CDH6: variants seen among roughly 807,000 people sequenced by gnomAD.
CDH6 encodes the protein cadherin 6.
CDH6 carries 31 observed loss-of-function variants against 78.0 expected under a neutral mutation model. That is an observed-to-expected ratio of 0.40 (90% CI 0.30 to 0.54). CDH6 has a LOEUF of 0.54. Ranked by LOEUF, CDH6 falls within the 20% of genes least tolerant of loss-of-function variation. The pLI, the probability that CDH6 is intolerant of heterozygous loss-of-function variation, is 0.56. For synonymous variants in CDH6, 376 were observed against 368.8 expected (o/e 1.02, Z -0.23); for missense variants, 724 against 975.9 (o/e 0.74, Z 3.44).
intron 7 of CDH6, among the ~76,000 whole-genome samples, chr5:31,305,994 A>G (rs1376620648): frequency 6.6e-6 from 1 of 152,196 alleles, no homozygotes; most frequent in Admixed American, 6.5e-5. Flanking sequence ...CTGCTTAAGT[A>G]GAAGTAGTAT....
rs192266700 is a variant in CDH6, at chr5:31,305,893, A to T, written c.1253+466A>T. 1.7e-3 allele frequency among the ~76,000 whole-genome samples: 258 copies of T among 152,254 alleles called. 1 individual carries two copies. The highest frequency in any genetic ancestry group is 6.0e-3 in the African/African-American group (251 of 41,552). On this transcript the variant is annotated intron_variant, in intron 7 of 11. Transcript: ENST00000265071. ...TTTTTATTTCCAGTTGGTTGAATCC[A>T]CATTTGCAGAACCTGTGGATACACA... is the stretch of plus-strand genomic sequence containing the variant.
chr5:31,325,773 A>G lies in CDH6; in HGVS notation c.*2465A>G, dbSNP rs912305887. 4.3e-6 allele frequency: 1 copy of G among 231,062 alleles called. No individual in the cohort carries two copies. The highest frequency in any genetic ancestry group is 8.6e-6 in the Non-Finnish European group (1 of 116,716). 14.3% of individuals were successfully genotyped at this position (231,062 alleles called of 1,614,324 possible). A position where few individuals can be genotyped will look rare whatever the true frequency, so the allele number is the denominator to read the frequency against. On this transcript the variant is annotated 3_prime_UTR_variant, in exon 12 of 12. Coordinates refer to ENST00000265071, the MANE Select transcript of CDH6 (RefSeq NM_004932.4). Reference sequence around the variant, plus strand: ...GGTTAATATGATTACTTATGGAAATAACTTTAATCTCTTATCATAAAAGCT... The same window carrying G: ...GGTTAATATGATTACTTATGGAAATGACTTTAATCTCTTATCATAAAAGCT...
intron 2 of CDH6, among the ~76,000 whole-genome samples, chr5:31,287,299 G>T (rs17398305): frequency 0.45 from 68,060 of 151,960 alleles, 17,802 homozygotes; most frequent in East Asian, 0.57. Context: ...TTCTATATTA[G>T]GACTGAATGG....
In CDH6 at chr5:31,323,555, G is replaced by A. The variant is rs1738535649; in HGVS notation, c.*247G>A. ...AGCCCAACAGGCAGGTGCCGGAGGG[G>A]AGGACAGGGAACAGTATTTCCACTT... is the stretch of plus-strand genomic sequence containing the variant. On this transcript the variant is annotated 3_prime_UTR_variant, in exon 12 of 12. Coordinates refer to ENST00000265071, the MANE Select transcript of CDH6 (RefSeq NM_004932.4). 1 of 481,666 alleles carries A rather than the reference G, an allele frequency of 2.1e-6. No individual in the cohort carries two copies. Among genetic ancestry groups the A allele is most frequent in the African/African-American group, 1.9e-5 (1 of 52,340 alleles). The allele number at this position is 481,666 out of a possible 1,614,324, so 29.8% of individuals were successfully genotyped here. A position where few individuals can be genotyped will look rare whatever the true frequency, so the allele number is the denominator to read the frequency against.
At chr5:31,196,758 A>G (rs781588220) in intron 1 of CDH6, among the ~76,000 whole-genome samples, 5 of 152,146 alleles carry the variant, frequency 3.3e-5, no homozygotes, top group Admixed American at 1.3e-4. Context: ...GGTTTTCTGA[A>G]TATCTAGACT....
Position 31,324,489 on chromosome 5 carries a change from T to TA in CDH6, c.*1182dup, listed in dbSNP as rs1394306223. On this transcript the variant is annotated 3_prime_UTR_variant, in exon 12 of 12. Transcript: ENST00000265071. ...ATTGAGATTATGATGAAAACCTACATATTCCATGTTTGGAAGACCCTTGGA... is the reference window on the plus strand; with the variant it reads ...ATTGAGATTATGATGAAAACCTACATAATTCCATGTTTGGAAGACCCTTGGA... 1 of 211,370 alleles carries TA rather than the reference T, an allele frequency of 4.7e-6. No homozygotes were observed. Among genetic ancestry groups the TA allele is most frequent in the African/African-American group, 2.3e-5 (1 of 44,124 alleles). The allele number at this position is 211,370 out of a possible 1,614,324, so 13.1% of individuals were successfully genotyped here. A position where few individuals can be genotyped will look rare whatever the true frequency, so the allele number is the denominator to read the frequency against.
At chr5:31,265,310 A>C (rs1742310251) in intron 1 of CDH6, among the ~76,000 whole-genome samples, 2 of 152,194 alleles carry the variant, frequency 1.3e-5, no homozygotes, top group South Asian at 4.1e-4. Flanking sequence ...CCAAGGCTGC[A>C]TTATGACAAG....
intron 2 of CDH6, among the ~76,000 whole-genome samples, chr5:31,277,325 G>T (rs1479324749): frequency 6.6e-6 from 1 of 152,088 alleles, no homozygotes; most frequent in Admixed American, 6.5e-5. Context: ...TGTTATTATA[G>T]AATCCGGTTA....
intron 1 of CDH6, among the ~76,000 whole-genome samples, chr5:31,263,034 T>C (rs1742250256): frequency 6.6e-6 from 1 of 152,190 alleles, no homozygotes; most frequent in Non-Finnish European, 1.5e-5. Context: ...TTAAGTAAAA[T>C]CTAAAATTTG....
At chr5:31,293,885 A>G (rs1737495849) in intron 2 of CDH6, 77 bp from the exon 3 acceptor site, 1 of 932,556 alleles carries the variant, frequency 1.1e-6, no homozygotes, top group Admixed American at 2.5e-5. Context: ...TTAATGTAGC[A>G]TGCACCAAAA....
At position 31,207,072 on chromosome 5, in the gene CDH6, G is replaced by C. The variant is rs756224456; in HGVS notation, c.-129+13186G>C. Among the ~76,000 whole-genome samples, 90 of 152,130 alleles carry C rather than the reference G, an allele frequency of 5.9e-4. 1 individual carries two copies. Among genetic ancestry groups the C allele is most frequent in the Middle Eastern group, 6.8e-3 (2 of 294 alleles). ...GAAATCACTCTACACAAGAAGACTAGTTAAAATTTAGGATTGAGGTGATAG... is the reference window on the plus strand; with the variant it reads ...GAAATCACTCTACACAAGAAGACTACTTAAAATTTAGGATTGAGGTGATAG... On this transcript the variant is annotated intron_variant, in intron 1 of 11. Transcript: ENST00000265071.
chr5:31,222,374 T>C (rs1741026083), intron 1 of CDH6, among the ~76,000 whole-genome samples: 1 of 152,190 alleles, frequency 6.6e-6, no homozygotes, highest in African/African-American at 2.4e-5. Context: ...GTGAATTAGA[T>C]ATAAGTATGT....
intron 1 of CDH6, among the ~76,000 whole-genome samples, chr5:31,264,813 A>G (rs1742297154): frequency 6.6e-6 from 1 of 152,240 alleles, no homozygotes; most frequent in African/African-American, 2.4e-5. Flanking sequence ...TTAAATTTTT[A>G]TCACTTAAAA....
chr5:31,240,268 A>G (rs1349656470), intron 1 of CDH6, among the ~76,000 whole-genome samples: 1 of 152,164 alleles, frequency 6.6e-6, no homozygotes, highest in Non-Finnish European at 1.5e-5. Context: ...TTTTCCTTCT[A>G]TAGCATTTAT....
chr5:31,270,579 A>C (rs537464243), intron 2 of CDH6, among the ~76,000 whole-genome samples: 38 of 152,346 alleles, frequency 2.5e-4, no homozygotes, highest in African/African-American at 8.9e-4. Flanking sequence ...ATTGAAAGGA[A>C]TGCAGCACCA....
intron 1 of CDH6, among the ~76,000 whole-genome samples, chr5:31,260,273 C>T (rs952584023): frequency 2.6e-5 from 4 of 152,148 alleles, no homozygotes; most frequent in Admixed American, 2.6e-4. Context: ...GAAACTGAGA[C>T]ACAAATTGGT....
intron 1 of CDH6, among the ~76,000 whole-genome samples, chr5:31,263,105 T>G (rs906805480): frequency 1.3e-5 from 2 of 152,172 alleles, no homozygotes; most frequent in African/African-American, 4.8e-5. Flanking sequence ...GGATAATTTA[T>G]AAAGAAAAGG....
At chr5:31,229,569 C>T (rs1741257776) in intron 1 of CDH6, among the ~76,000 whole-genome samples, 1 of 152,176 alleles carries the variant, frequency 6.6e-6, no homozygotes, top group African/African-American at 2.4e-5. Context: ...ATATTATTGG[C>T]TAAACCAATA....
At chr5:31,313,721 G>T (rs1348354879) in intron 8 of CDH6, among the ~76,000 whole-genome samples, 1 of 152,152 alleles carries the variant, frequency 6.6e-6, no homozygotes, top group East Asian at 1.9e-4. Context: ...GTACTCGGTG[G>T]ATTTAATTCC....
Sources: gnomAD v4.1 joint callset for allele counts (sites outside exome capture counted in the v4.1 genomes callset) on GRCh38, gnomAD v4.1.1 for gene constraint, MANE v1.5 for transcripts, NCBI Gene and HGNC (gene_info 2026-07-23, HGNC 2026-07-21) for gene names.